The following TUSC3 variants were observed in gnomAD, a reference collection of about 807,000 sequenced individuals.
TUSC3 encodes the protein dolichyl-diphosphooligosaccharide--protein glycosyltransferase subunit TUSC3.
In TUSC3, 45 loss-of-function variants were observed where a neutral mutation model predicts 44.8. The ratio of observed to expected loss-of-function variants is 1.00; its 90% confidence interval spans 0.79 to 1.29. The LOEUF (loss-of-function observed/expected upper bound fraction) is 1.29, where lower values mean the gene tolerates loss of function less well. Ranked by LOEUF, TUSC3 falls within the 50% of genes most tolerant of loss-of-function variation. TUSC3 has a pLI of 0.00. For synonymous variants in TUSC3, 212 were observed against 152.9 expected (o/e 1.39, Z -2.85); for missense variants, 519 against 437.9 (o/e 1.19, Z -1.65).
the TUSC3 span, among the ~76,000 whole-genome samples, chr8:15,813,239 C>T: frequency 3.3e-5 from 5 of 152,114 alleles, no homozygotes; most frequent in East Asian, 7.7e-4. Context: ...AAGTAAAATG[C>T]AGTGTGGAAC....
chr8:15,835,534 T>G, the TUSC3 span, among the ~76,000 whole-genome samples: 1 of 152,198 alleles, frequency 6.6e-6, no homozygotes, highest in African/African-American at 2.4e-5. Flanking sequence ...CTTTGAAGAT[T>G]ATAACTTTTT....
intron 7 of TUSC3, among the ~76,000 whole-genome samples, chr8:15,741,198 A>G (rs1811181139): frequency 6.6e-6 from 1 of 152,142 alleles, no homozygotes; most frequent in Non-Finnish European, 1.5e-5. Context: ...GACCCTAAGA[A>G]CATACTAATA....
intron 1 of TUSC3, among the ~76,000 whole-genome samples, chr8:15,424,297 C>G (rs900482600): frequency 6.6e-6 from 1 of 151,910 alleles, no homozygotes; most frequent in African/African-American, 2.4e-5. Flanking sequence ...CTGGCTGTCT[C>G]AGGAGTGTAT....
intron 7 of TUSC3, among the ~76,000 whole-genome samples, chr8:15,736,431 C>T: frequency 6.6e-6 from 1 of 152,150 alleles, no homozygotes; most frequent in South Asian, 2.1e-4. Context: ...GTTTAAAACT[C>T]TTTATATAAT....
chr8:15,632,212 A>G (rs1467414190), intron 2 of TUSC3, among the ~76,000 whole-genome samples: 5 of 152,138 alleles, frequency 3.3e-5, no homozygotes, highest in African/African-American at 7.2e-5. Context: ...CTTTTAATCT[A>G]TAACGTTTCC....
chr8:15,772,367 C>T, the TUSC3 span, among the ~76,000 whole-genome samples: 5 of 152,044 alleles, frequency 3.3e-5, no homozygotes, highest in Non-Finnish European at 2.9e-5. Context: ...ACCCACCTTG[C>T]GGAAATAAAA....
At chr8:15,620,229 G>C (rs937670771) in intron 1 of TUSC3, among the ~76,000 whole-genome samples, 2 of 152,200 alleles carry the variant, frequency 1.3e-5, no homozygotes, top group Non-Finnish European at 2.9e-5. Context: ...ATACATTGCA[G>C]ATAGCGTTAG....
intron 9 of TUSC3, among the ~76,000 whole-genome samples, chr8:15,751,017 C>G (rs1360638675): frequency 6.6e-6 from 1 of 152,120 alleles, no homozygotes; most frequent in African/African-American, 2.4e-5. Flanking sequence ...AACAGTGTGA[C>G]CTGCTGTGTA....
intron 1 of TUSC3, among the ~76,000 whole-genome samples, chr8:15,614,916 A>T (rs1804924018): frequency 7.1e-6 from 1 of 141,416 alleles, no homozygotes; most frequent in Non-Finnish European, 1.5e-5. Context: ...ACAGCTATTC[A>T]GGCTGTTATT....
intron 3 of TUSC3, among the ~76,000 whole-genome samples, chr8:15,651,607 C>T (rs1356271982): frequency 1.3e-5 from 2 of 152,176 alleles, no homozygotes; most frequent in South Asian, 2.1e-4. Context: ...TGTTAGAACA[C>T]AGCGAGAAGA....
intron 2 of TUSC3, among the ~76,000 whole-genome samples, chr8:15,490,551 C>A (rs1800794600): frequency 6.6e-6 from 1 of 152,126 alleles, no homozygotes; most frequent in Non-Finnish European, 1.5e-5. Flanking sequence ...AGGAGAACAG[C>A]AGAGAGGGGA....
At chr8:15,805,412 A>G in the TUSC3 span, among the ~76,000 whole-genome samples, 1 of 152,024 alleles carries the variant, frequency 6.6e-6, no homozygotes, top group Non-Finnish European at 1.5e-5. Flanking sequence ...CTTGCTGTAG[A>G]TCTTAGGGAA....
intron 5 of TUSC3, among the ~76,000 whole-genome samples, chr8:15,668,178 T>A (rs932243480): frequency 6.6e-6 from 1 of 151,776 alleles, no homozygotes; most frequent in African/African-American, 2.4e-5. Flanking sequence ...AGAAAGTGTT[T>A]AGTAAATATT....
At position 15,540,278 on chromosome 8, in the gene TUSC3, G is replaced by C; in HGVS notation, c.-153G>C. ...ATGCTCTGTCAGTCTCCTCCTCTGC[G>C]TCCTCGGCCGCGGCCCGGGTCCCTC... On this transcript the variant is annotated 5_prime_UTR_variant, in exon 1 of 11. Coordinates refer to ENST00000503731, the MANE Select transcript of TUSC3 (RefSeq NM_006765.4). The C allele has an allele frequency of 9.0e-6, 10 of 1,109,400 alleles. No individual in the cohort carries two copies. Among genetic ancestry groups the C allele is most frequent in the Non-Finnish European group, 1.2e-5 (10 of 842,340 alleles). The allele number at this position is 1,109,400 out of a possible 1,614,324, so 68.7% of individuals were successfully genotyped here. A position where few individuals can be genotyped will look rare whatever the true frequency, so the allele number is the denominator to read the frequency against.
At chr8:15,458,273 C>G (rs1233735943) in intron 1 of TUSC3, among the ~76,000 whole-genome samples, 2 of 152,128 alleles carry the variant, frequency 1.3e-5, no homozygotes, top group Admixed American at 1.3e-4. Context: ...AGGTCTTACT[C>G]TGTGGCCCAT....
chr8:15,606,569 A>G (rs140003222), intron 1 of TUSC3, among the ~76,000 whole-genome samples: 14 of 152,162 alleles, frequency 9.2e-5, no homozygotes, highest in African/African-American at 3.1e-4. Flanking sequence ...ATATTCTTGT[A>G]GGTAAGTCTG....
At chr8:15,688,249 C>T (rs914616326) in intron 6 of TUSC3, among the ~76,000 whole-genome samples, 2 of 152,096 alleles carry the variant, frequency 1.3e-5, no homozygotes, top group African/African-American at 4.8e-5. Flanking sequence ...AAGCGTTTCT[C>T]ATTTATAACT....
At chr8:15,597,023 G>C (rs1804101286) in intron 1 of TUSC3, among the ~76,000 whole-genome samples, 1 of 152,142 alleles carries the variant, frequency 6.6e-6, no homozygotes, top group African/African-American at 2.4e-5. Context: ...CTAAAGAAAA[G>C]CTGGGTCAGT....
intron 9 of TUSC3, among the ~76,000 whole-genome samples, chr8:15,757,334 G>GA (rs1376627377): frequency 6.6e-6 from 1 of 152,146 alleles, no homozygotes; most frequent in Non-Finnish European, 1.5e-5. Context: ...GTAAGGAAAT[G>GA]TACAGAATAA....
Sources: gnomAD v4.1 joint callset for allele counts (sites outside exome capture counted in the v4.1 genomes callset) on GRCh38, gnomAD v4.1.1 for gene constraint, MANE v1.5 for transcripts, NCBI Gene and HGNC (gene_info 2026-07-23, HGNC 2026-07-21) for gene names.